Variants in MYO9A observed in about 807,000 individuals in gnomAD.
The protein encoded by MYO9A is myosin IXA.
Under a neutral mutation model 293.3 loss-of-function variants are expected in MYO9A, and 103 were observed. That is an observed-to-expected ratio of 0.35 (90% CI 0.30 to 0.41). MYO9A has a LOEUF of 0.41. MYO9A is among the 10% of genes least tolerant of loss of function. The probability of loss-of-function intolerance (pLI) is 1.00; values close to 1 mark genes in which losing one functional copy is unlikely to be tolerated. For synonymous variants in MYO9A, 1,001 were observed against 1,035.7 expected, an observed-to-expected ratio of 0.97 and a Z score of 0.64; for missense variants, 2,685 against 3,033.0, an observed-to-expected ratio of 0.89 and a Z score of 2.69.
chr15:71,936,736 T>C (rs2145928722), intron 16 of MYO9A, among the ~76,000 whole-genome samples: 1 of 152,208 alleles, frequency 6.6e-6, no homozygotes, highest in African/African-American at 2.4e-5. Context: ...TCAAGATATA[T>C]AAATGGCATG....
Position 71,916,370 on chromosome 15 carries a change from C to T in MYO9A, c.2685G>A (p.Gln895=). The change falls in exon 19 of 42, where the codon CAG becomes CAA. Residue 895 remains glutamine (Q), a splice_region_variant and synonymous_variant. Coordinates refer to ENST00000356056, the MANE Select transcript of MYO9A (RefSeq NM_006901.4). ...TGTTTTAAGCGAAACAAGAAATAAC[C>T]TGAAACTGGGCACTGATGCTGGGAG... The part of the protein sequence containing the change: ...KKPPSISAQF[Q]ASLSKLMETL... 1 of 1,606,066 alleles carries T rather than the reference C, an allele frequency of 6.2e-7. No homozygotes were observed. The highest frequency in any genetic ancestry group is 8.5e-7 in the Non-Finnish European group (1 of 1,177,932).
At chr15:71,895,068 A>G (rs1256407480) in intron 25 of MYO9A, among the ~76,000 whole-genome samples, 1 of 152,220 alleles carries the variant, frequency 6.6e-6, no homozygotes, top group African/African-American at 2.4e-5. Flanking sequence ...CCTCTATGCA[A>G]TAAGCCCGAA....
chr15:72,096,125 T>C (rs1028437465), intron 1 of MYO9A, among the ~76,000 whole-genome samples: 2 of 137,394 alleles, frequency 1.5e-5, no homozygotes, highest in African/African-American at 5.7e-5. Flanking sequence ...CACGCCACTA[T>C]ACTCTCCAGC....
intron 1 of MYO9A, among the ~76,000 whole-genome samples, chr15:72,096,831 T>C (rs979954427): frequency 6.6e-6 from 1 of 152,184 alleles, no homozygotes; most frequent in Non-Finnish European, 1.5e-5. Context: ...CCAAGCCTCA[T>C]GGATGACTTT....
intron 28 of MYO9A, among the ~76,000 whole-genome samples, chr15:71,883,387 GT>G (rs1168836499): frequency 2.6e-5 from 4 of 152,122 alleles, no homozygotes; most frequent in Non-Finnish European, 4.4e-5. Flanking sequence ...CTGCTTCATT[GT>G]TTTGTGATGC....
At position 72,100,234 on chromosome 15, in the gene MYO9A, TAGAC is replaced by T. The variant is rs1417766943; in HGVS notation, c.-72+17442_-72+17445del. Among the ~76,000 whole-genome samples, 13 of 151,888 alleles carry T rather than the reference TAGAC, an allele frequency of 8.6e-5. No homozygotes were observed. The East Asian group carries it at 2.3e-3, about 27-fold the overall frequency. On this transcript the variant is annotated intron_variant, in intron 1 of 41. Coordinates refer to ENST00000356056, the MANE Select transcript of MYO9A (RefSeq NM_006901.4). ...CTGTCTCTACAAAAAATAGAAAAAT[TAGAC>T]AGGTGTGGTGGCTCACACCTGGAAT...
intron 31 of MYO9A, among the ~76,000 whole-genome samples, chr15:71,876,538 C>T (rs1401534335): frequency 6.8e-6 from 1 of 146,744 alleles, no homozygotes; most frequent in Non-Finnish European, 1.5e-5. Context: ...CAGGTTCAAG[C>T]AATTCTCCTG....
At chr15:71,909,973 CAAAAT>C (rs1190072255) in intron 19 of MYO9A, among the ~76,000 whole-genome samples, 2 of 150,626 alleles carry the variant, frequency 1.3e-5, no homozygotes, top group Non-Finnish European at 3.0e-5. Context: ...GACTCCGTCT[CAAAAT>C]AATGATAATA....
intron 8 of MYO9A, 39 bp from the exon 9 acceptor site, chr15:71,999,979 T>C: frequency 6.6e-7 from 1 of 1,513,420 alleles, no homozygotes; most frequent in Non-Finnish European, 9.0e-7. Context: ...GTAAGATTTA[T>C]GACAATAGGT....
chr15:72,000,335 TTTC>T (rs925398197), intron 8 of MYO9A, among the ~76,000 whole-genome samples: 22 of 152,262 alleles, frequency 1.4e-4, no homozygotes, highest in African/African-American at 4.8e-4. Context: ...GTTTCAGATA[TTTC>T]TTCTTCATGA....
chr15:72,106,525 A>T (rs1343175624), intron 1 of MYO9A, among the ~76,000 whole-genome samples: 1 of 152,180 alleles, frequency 6.6e-6, no homozygotes, highest in East Asian at 1.9e-4. Flanking sequence ...AAGAAAATAA[A>T]AATCCTTTTT....
chr15:71,920,194 T>G (rs1366048345), intron 18 of MYO9A, among the ~76,000 whole-genome samples: 1 of 152,240 alleles, frequency 6.6e-6, no homozygotes, highest in Non-Finnish European at 1.5e-5. Context: ...TGGTTGAGTT[T>G]ATTAAGCTTA....
intron 19 of MYO9A, among the ~76,000 whole-genome samples, chr15:71,908,919 C>T (rs1473569406): frequency 6.6e-6 from 1 of 152,108 alleles, no homozygotes; most frequent in East Asian, 1.9e-4. Context: ...ACTCATCCTC[C>T]CCCAACTAGA....
rs1013396472 is a variant in MYO9A at position 71,892,874 on chromosome 15, T to A, written c.5142+805A>T. Reference sequence around the variant, plus strand: ...GGTTTCCCATGCACAAACCATTACATGGGAAGAAGCTGTGAAGGTTAGCTT... The same window carrying A: ...GGTTTCCCATGCACAAACCATTACAAGGGAAGAAGCTGTGAAGGTTAGCTT... On this transcript the variant is annotated intron_variant, in intron 26 of 41. Transcript: ENST00000356056. 8.8e-6 allele frequency: 7 copies of A among 797,354 alleles called. No homozygotes were observed. The South Asian group carries it at 1.3e-4, about 15-fold the overall frequency. The allele number at this position is 797,354 out of a possible 1,614,324, so 49.4% of individuals were successfully genotyped here.
Position 71,898,949 on chromosome 15 carries a change from T to C in MYO9A, c.3554A>G (p.Glu1185Gly). 2 of 1,614,078 alleles carry C rather than the reference T, an allele frequency of 1.2e-6. No homozygotes were observed. Among genetic ancestry groups the C allele is most frequent in the Non-Finnish European group, 1.7e-6 (2 of 1,179,922 alleles). Residue 1185 changes from glutamate to glycine, a missense_variant, in exon 25 of 42, where the codon GAA (glutamate) becomes GGA (glycine). Glu to Gly is a moderately conservative substitution (Grantham distance 98). Coordinates refer to ENST00000356056, the MANE Select transcript of MYO9A (RefSeq NM_006901.4). Reference sequence around the variant, plus strand: ...TCCTGAAGGGTCTGAACCCTGAATTTCCAGAGATCCATATCCCTTAATATT... The same window carrying C: ...TCCTGAAGGGTCTGAACCCTGAATTCCCAGAGATCCATATCCCTTAATATT... Reference protein sequence around the residue: ...LVNIKGYGSLEIQGSDPSGWE... With the variant: ...LVNIKGYGSLGIQGSDPSGWE...
chr15:71,872,975 C>T (rs1302429290), intron 32 of MYO9A, among the ~76,000 whole-genome samples: 5 of 151,428 alleles, frequency 3.3e-5, no homozygotes, highest in Non-Finnish European at 5.9e-5. Context: ...TGCAGTGGCG[C>T]GATCTCGGCT....
At chr15:72,073,752 G>T (rs2079262862) in intron 1 of MYO9A, among the ~76,000 whole-genome samples, 1 of 152,018 alleles carries the variant, frequency 6.6e-6, no homozygotes, top group African/African-American at 2.4e-5. Flanking sequence ...CTAACCGAAA[G>T]GAAACAAAAG....
intron 1 of MYO9A, among the ~76,000 whole-genome samples, chr15:72,100,640 T>C (rs1315394147): frequency 6.7e-6 from 1 of 148,726 alleles, no homozygotes; most frequent in African/African-American, 2.5e-5. Context: ...GGAGCACCTC[T>C]GCCCCGCCAC....
At chr15:72,040,750 T>C (rs1187504078) in intron 2 of MYO9A, among the ~76,000 whole-genome samples, 7 of 152,024 alleles carry the variant, frequency 4.6e-5, no homozygotes, top group African/African-American at 1.7e-4. Flanking sequence ...GATTATATAA[T>C]TATGGCTTAC....
Sources: gnomAD v4.1 joint callset for allele counts (sites outside exome capture counted in the v4.1 genomes callset) on GRCh38, gnomAD v4.1.1 for gene constraint, MANE v1.5 for transcripts, NCBI Gene and HGNC (gene_info 2026-07-23, HGNC 2026-07-21) for gene names.